Variants in GPD2 observed in about 807,000 individuals in gnomAD.
GPD2 encodes the protein glycerol-3-phosphate dehydrogenase, mitochondrial.
A neutral mutation model predicts 82.4 loss-of-function variants in GPD2; 54 were observed. That is an observed-to-expected ratio of 0.66 (90% CI 0.53 to 0.82). GPD2 has a LOEUF of 0.82. Ranked by LOEUF, GPD2 falls within the 40% of genes least tolerant of loss-of-function variation. The pLI, the probability that GPD2 is intolerant of heterozygous loss-of-function variation, is 0.00. For missense variants in GPD2, 748 were observed against 896.2 expected (o/e 0.83, Z 2.11); for synonymous variants, 288 against 306.1 (o/e 0.94, Z 0.62).
At chr2:156,542,504 C>T (rs532490566) in intron 6 of GPD2, among the ~76,000 whole-genome samples, 20 of 152,200 alleles carry the variant, frequency 1.3e-4, no homozygotes, top group African/African-American at 4.6e-4. Context: ...CATTTTCTGC[C>T]AAAATGTACA....
intron 4 of GPD2, among the ~76,000 whole-genome samples, chr2:156,511,539 CT>C (rs533883583): frequency 6.6e-6 from 1 of 151,464 alleles, no homozygotes; most frequent in Non-Finnish European, 1.5e-5. Context: ...GAATCTGTCT[CT>C]TTTTTTTTCT....
upstream of GPD2, among the ~76,000 whole-genome samples, chr2:156,432,580 A>T (rs879503223): frequency 6.6e-6 from 1 of 152,156 alleles, no homozygotes; most frequent in Non-Finnish European, 1.5e-5. Context: ...AGCTGCATCC[A>T]TGTTGCTACA....
chr2:156,448,617 G>C (rs1049372302), intron 1 of GPD2, among the ~76,000 whole-genome samples: 10 of 152,228 alleles, frequency 6.6e-5, no homozygotes, highest in African/African-American at 2.4e-4. Context: ...TTTAAGCTGA[G>C]TCGTGAATGA....
At chr2:156,463,334 A>AT (rs1336101339) in intron 1 of GPD2, among the ~76,000 whole-genome samples, 1 of 152,048 alleles carries the variant, frequency 6.6e-6, no homozygotes, top group Non-Finnish European at 1.5e-5. Flanking sequence ...GAATGCAGGG[A>AT]TTTTTTTGTG....
rs549880591 is a variant in GPD2, at chr2:156,454,937, C to T, written c.-9+18424C>T. 3.3e-5 allele frequency among the ~76,000 whole-genome samples: 5 copies of T among 152,158 alleles called. No individual in the cohort carries two copies. The East Asian group carries it at 9.7e-4, about 29-fold the overall frequency. On this transcript the variant is annotated intron_variant, in intron 1 of 16. Transcript: ENST00000438166. Reference sequence around the variant, plus strand: ...GTGGCCAGTTGGAGTATAAAGGCCTCCTTGGGGACCAGCTGCCCTTCAGTG... The same window carrying T: ...GTGGCCAGTTGGAGTATAAAGGCCTTCTTGGGGACCAGCTGCCCTTCAGTG...
intron 13 of GPD2, among the ~76,000 whole-genome samples, chr2:156,578,393 A>G (rs913535763): frequency 6.6e-6 from 1 of 151,942 alleles, no homozygotes; most frequent in Non-Finnish European, 1.5e-5. Flanking sequence ...TTTGTCACCA[A>G]ACTACAAGAA....
chr2:156,400,827 C>G, the GPD2 span, among the ~76,000 whole-genome samples: 1 of 152,160 alleles, frequency 6.6e-6, no homozygotes, highest in African/African-American at 2.4e-5. Context: ...CGGGTTCAAT[C>G]CCCGGCATCT....
chr2:156,582,031 A>C (rs1207074936), intron 16 of GPD2, among the ~76,000 whole-genome samples: 1 of 152,028 alleles, frequency 6.6e-6, no homozygotes, highest in Non-Finnish European at 1.5e-5. Context: ...TGAATAGCTA[A>C]ATCTTTTCTT....
rs113649203 is a variant in GPD2 at position 156,534,843 on chromosome 2, C to G, written c.662-14765C>G. Among the ~76,000 whole-genome samples the G allele has an allele frequency of 3.3e-5, 5 of 151,612 alleles. 2 individuals carry two copies. Among genetic ancestry groups the G allele is most frequent in the African/African-American group, 1.2e-4 (5 of 41,354 alleles). On this transcript the variant is annotated intron_variant, in intron 6 of 16. Transcript: ENST00000438166. Reference sequence around the variant, plus strand: ...AAAAAACTCTAACAGAGGATACAGACAAGGAAACCATTGATTTATGGTTGC... The same window carrying G: ...AAAAAACTCTAACAGAGGATACAGAGAAGGAAACCATTGATTTATGGTTGC...
intron 6 of GPD2, among the ~76,000 whole-genome samples, chr2:156,535,440 GAGAGAGAGA>G (rs1558948375): frequency 1.6e-4 from 24 of 147,076 alleles, no homozygotes; most frequent in Middle Eastern, 7.0e-3. Context: ...GGGGTGGGGA[GAGAGAGAGA>G]GAGAGAGAGA....
chr2:156,524,103 A>C (rs1462443829), intron 6 of GPD2, among the ~76,000 whole-genome samples: 1 of 152,154 alleles, frequency 6.6e-6, no homozygotes, highest in Non-Finnish European at 1.5e-5. Context: ...AGTGAACATT[A>C]TACTCAATAG....
At chr2:156,500,793 T>C (rs1432686749) in intron 3 of GPD2, among the ~76,000 whole-genome samples, 1 of 152,222 alleles carries the variant, frequency 6.6e-6, no homozygotes, top group Non-Finnish European at 1.5e-5. Flanking sequence ...TGCATTCTTA[T>C]CATCTGCATT....
chr2:156,538,835 A>AAT (rs1553474890), intron 6 of GPD2, among the ~76,000 whole-genome samples: 1 of 151,384 alleles, frequency 6.6e-6, no homozygotes, highest in East Asian at 1.9e-4. Flanking sequence ...AAAAAAAAAA[A>AAT]AAAGATCAGG....
chr2:156,545,428 T>C (rs1686491804), intron 6 of GPD2, among the ~76,000 whole-genome samples: 1 of 152,176 alleles, frequency 6.6e-6, no homozygotes. Context: ...TTTCTTGAAG[T>C]AGTCAAAGTG....
At chr2:156,525,321 AT>A (rs1299156358) in intron 6 of GPD2, among the ~76,000 whole-genome samples, 1 of 152,066 alleles carries the variant, frequency 6.6e-6, no homozygotes, top group South Asian at 2.1e-4. Flanking sequence ...GTCTATGATG[AT>A]TTCTGTGCTG....
At chr2:156,421,971 T>TA in the GPD2 span, among the ~76,000 whole-genome samples, 2 of 152,120 alleles carry the variant, frequency 1.3e-5, no homozygotes, top group South Asian at 4.2e-4. Flanking sequence ...ACAACAGCAA[T>TA]AAAAAATTAG....
intron 1 of GPD2, among the ~76,000 whole-genome samples, chr2:156,452,948 A>G (rs1032393534): frequency 1.3e-5 from 2 of 152,192 alleles, no homozygotes; most frequent in Non-Finnish European, 2.9e-5. Context: ...AGTTGCATCT[A>G]CTTTACTTTC....
chr2:156,452,147 T>G (rs368153641), intron 1 of GPD2, among the ~76,000 whole-genome samples: 32 of 142,450 alleles, frequency 2.2e-4, no homozygotes, highest in East Asian at 8.5e-4. Context: ...CTTCCCAGAC[T>G]GGGTGGCGGC....
the GPD2 span, among the ~76,000 whole-genome samples, chr2:156,404,031 T>A: frequency 2.0e-5 from 3 of 152,056 alleles, no homozygotes; most frequent in Non-Finnish European, 2.9e-5. Flanking sequence ...CTAGAAAAAA[T>A]TCTGGATTTT....
Sources: gnomAD v4.1 joint callset for allele counts (sites outside exome capture counted in the v4.1 genomes callset) on GRCh38, gnomAD v4.1.1 for gene constraint, MANE v1.5 for transcripts, NCBI Gene and HGNC (gene_info 2026-07-23, HGNC 2026-07-21) for gene names.